Variants in ZC3H18 observed in about 807,000 individuals in gnomAD.
ZC3H18 encodes zinc finger CCCH domain-containing protein 18.
Under a neutral mutation model 106.1 loss-of-function variants are expected in ZC3H18, and 8 were observed. The observed-to-expected ratio is 0.08, with a 90% CI of 0.04 to 0.14. The LOEUF (loss-of-function observed/expected upper bound fraction) is 0.14, where lower values mean the gene tolerates loss of function less well. ZC3H18 is among the 10% of genes least tolerant of loss of function. The pLI, the probability that ZC3H18 is intolerant of heterozygous loss-of-function variation, is 1.00. For synonymous variants in ZC3H18, 635 were observed against 522.1 expected, an observed-to-expected ratio of 1.22 and a Z score of -2.95; for missense variants, 1,318 against 1,278.4, an observed-to-expected ratio of 1.03 and a Z score of -0.47.
intron 9 of ZC3H18, 183 bp downstream of exon 9, chr16:88,622,571 A>G: frequency 3.0e-6 from 2 of 667,268 alleles, no homozygotes; most frequent in Non-Finnish European, 4.9e-6. Context: ...CATCAATGCC[A>G]AGTAGGACTG....
intron 6 of ZC3H18, among the ~76,000 whole-genome samples, chr16:88,601,991 G>A (rs754456917): frequency 1.3e-5 from 2 of 152,214 alleles, no homozygotes; most frequent in Non-Finnish European, 2.9e-5. Context: ...CCACCAGGTA[G>A]GTTGCTACAG....
intron 1 of ZC3H18, among the ~76,000 whole-genome samples, chr16:88,576,790 G>A (rs141562928): frequency 2.0e-5 from 3 of 152,198 alleles, no homozygotes; most frequent in Admixed American, 6.5e-5. Flanking sequence ...GATCCGTATC[G>A]TTACTCACTT....
At chr16:88,604,737 G>A (rs1403200607) in intron 6 of ZC3H18, among the ~76,000 whole-genome samples, 1 of 152,150 alleles carries the variant, frequency 6.6e-6, no homozygotes, top group Non-Finnish European at 1.5e-5. Context: ...GGGATGCTGT[G>A]CCCAGAATAT....
At chr16:88,600,915 C>T (rs1047255241) in intron 6 of ZC3H18, among the ~76,000 whole-genome samples, 2 of 152,256 alleles carry the variant, frequency 1.3e-5, no homozygotes, top group Non-Finnish European at 2.9e-5. Context: ...GAGGCTTTAG[C>T]AGCCCTGTAC....
chr16:88,612,164 C>G (rs968179482), intron 8 of ZC3H18, among the ~76,000 whole-genome samples: 1 of 152,148 alleles, frequency 6.6e-6, no homozygotes, highest in Non-Finnish European at 1.5e-5. Flanking sequence ...TTTTTTCTCT[C>G]AAATATACTT....
intron 3 of ZC3H18, among the ~76,000 whole-genome samples, chr16:88,595,795 G>C (rs1378194015): frequency 6.5e-5 from 8 of 123,172 alleles, no homozygotes; most frequent in Middle Eastern, 3.6e-3. Flanking sequence ...AACAGAGCGA[G>C]ACTCCATCTC....
rs1371889169 is a variant in ZC3H18 at position 88,631,575 on chromosome 16, C to T, written c.*276C>T. The T allele has an allele frequency of 3.7e-6, 2 of 538,052 alleles. No homozygotes were observed. The highest frequency in any genetic ancestry group is 7.1e-6 in the Non-Finnish European group (2 of 282,050). The allele number at this position is 538,052 out of a possible 1,614,324, so 33.3% of individuals were successfully genotyped here. ...TAAATTACAAGCCCCAGCCGCCAGCCCCGCCTTCTCTTCCTCCTCCTCCGT... is the reference window on the plus strand; with the variant it reads ...TAAATTACAAGCCCCAGCCGCCAGCTCCGCCTTCTCTTCCTCCTCCTCCGT... On this transcript the variant is annotated 3_prime_UTR_variant, in exon 18 of 18. Coordinates refer to ENST00000301011, the MANE Select transcript of ZC3H18 (RefSeq NM_144604.4).
chr16:88,610,629 G>A (rs1905226117), intron 7 of ZC3H18, among the ~76,000 whole-genome samples: 2 of 152,252 alleles, frequency 1.3e-5, no homozygotes, highest in Admixed American at 1.3e-4. Flanking sequence ...GGTGCGTTGT[G>A]ATTGGACTTT....
At chr16:88,587,462 G>A (rs977660672) in intron 3 of ZC3H18, 6 of 1,220,772 alleles carry the variant, frequency 4.9e-6, no homozygotes, top group Admixed American at 2.2e-5. Context: ...TAATTTTGCT[G>A]TAAGCCCATA....
rs748576860 is a variant in ZC3H18, at chr16:88,628,802, G to A, written c.2514G>A (p.Lys838=). ...GSRKRYEPSD[K]DRQSPPPAKR... ...GGAAGCGCTATGAACCATCAGACAA[G>A]GACAGGCAGAGCCCTCCTCCAGCCA... Residue 838 remains lysine (K), a synonymous_variant, in exon 16 of 18, where the codon AAG becomes AAA. Transcript: ENST00000301011. The A allele has an allele frequency of 2.5e-6, 4 of 1,614,102 alleles. 1 individual carries two copies. In the Admixed American group the frequency reaches 6.7e-5, roughly 27 times the overall value.
intron 2 of ZC3H18, among the ~76,000 whole-genome samples, chr16:88,581,018 G>T (rs1038840621): frequency 6.6e-6 from 1 of 152,312 alleles, no homozygotes; most frequent in African/African-American, 2.4e-5. Flanking sequence ...GATTCGCCTA[G>T]AGGCTTTCCC....
rs3751678 is a variant in ZC3H18 at position 88,600,145 on chromosome 16, C to T, written c.1088+197C>T. ...CAGTTTTTTGCTTCTAGGAAGGAAG[C>T]GTTAGGGCTCTGTGCCATGGGCCTT... On this transcript the variant is annotated intron_variant, in intron 6 of 17. Coordinates refer to ENST00000301011, the MANE Select transcript of ZC3H18 (RefSeq NM_144604.4). Among the ~76,000 whole-genome samples the T allele has an allele frequency of 2.1e-4, 32 of 152,164 alleles. No individual in the cohort carries two copies. The East Asian group carries it at 5.2e-3, about 25-fold the overall frequency.
Position 88,628,839 on chromosome 16 carries a change from A to G in ZC3H18, c.2551A>G (p.Thr851Ala). ...CCCTCCTCCAGCCAAGCGGCCCAAC[A>G]CATCCCCAGACCGAGGTGAGCCTCC... The part of the protein sequence containing the change: ...QSPPPAKRPN[T>A]SPDRGSRDRK... The change falls in exon 16 of 18, where the codon ACA becomes GCA. Residue 851 changes from threonine (T) to alanine (A), a missense_variant. By Grantham distance (58) the Thr-to-Ala change is moderately conservative. Transcript: ENST00000301011. The G allele has an allele frequency of 1.9e-6, 3 of 1,613,968 alleles. No individual in the cohort carries two copies. Among genetic ancestry groups the G allele is most frequent in the Non-Finnish European group, 1.7e-6 (2 of 1,179,918 alleles).
intron 6 of ZC3H18, among the ~76,000 whole-genome samples, chr16:88,603,623 C>CT (rs59222261): frequency 0.13 from 17,189 of 132,468 alleles, 1,528 homozygotes; most frequent in Middle Eastern, 0.18. Flanking sequence ...GACTCCGTCT[C>CT]TTTTTTTTTT....
At chr16:88,619,543 T>G (rs1170453307) in intron 8 of ZC3H18, among the ~76,000 whole-genome samples, 1 of 152,188 alleles carries the variant, frequency 6.6e-6, no homozygotes, top group African/African-American at 2.4e-5. Context: ...GCCATCTTCA[T>G]TTTGAAATTC....
chr16:88,608,853 T>C, intron 6 of ZC3H18, 81 bp from the exon 7 acceptor site: 2 of 1,212,990 alleles, frequency 1.6e-6, no homozygotes, highest in Middle Eastern at 2.0e-4. Flanking sequence ...GTCTGTTACT[T>C]TCTGTCCCTA....
At chr16:88,580,211 T>A (rs78805083) in intron 2 of ZC3H18, among the ~76,000 whole-genome samples, 17 of 19,066 alleles carry the variant, frequency 8.9e-4, no homozygotes, top group Admixed American at 2.4e-3. Context: ...TGTGTGTGTA[T>A]ATGTATATGT....
At chr16:88,628,357 C>T (rs562597449) in intron 15 of ZC3H18, among the ~76,000 whole-genome samples, 19 of 152,252 alleles carry the variant, frequency 1.2e-4, no homozygotes, top group African/African-American at 3.9e-4. Flanking sequence ...AGGGCGTTCT[C>T]TTCGTGCCTG....
intron 2 of ZC3H18, among the ~76,000 whole-genome samples, chr16:88,583,124 C>G (rs897870137): frequency 7.2e-5 from 11 of 152,250 alleles, no homozygotes; most frequent in Non-Finnish European, 2.9e-5. Flanking sequence ...CACAGCAGCT[C>G]CACGCAGTGG....
Sources: gnomAD v4.1 joint callset for allele counts (sites outside exome capture counted in the v4.1 genomes callset) on GRCh38, gnomAD v4.1.1 for gene constraint, MANE v1.5 for transcripts, NCBI Gene and HGNC (gene_info 2026-07-23, HGNC 2026-07-21) for gene names.